MACROD1: variants seen among roughly 807,000 people sequenced by gnomAD.
MACROD1 encodes the protein ADP-ribose glycohydrolase MACROD1.
MACROD1 carries 31 observed loss-of-function variants against 41.4 expected under a neutral mutation model. The observed-to-expected ratio is 0.75, with a 90% CI of 0.56 to 1.01. MACROD1 has a LOEUF of 1.01. Among genes scored for constraint, MACROD1 ranks in the 50% least tolerant of loss-of-function variants. MACROD1 has a pLI of 0.00. For missense variants in MACROD1, 473 were observed against 460.0 expected (o/e 1.03, Z -0.26); for synonymous variants, 252 against 203.4 (o/e 1.24, Z -2.03).
intron 3 of MACROD1, among the ~76,000 whole-genome samples, chr11:64,104,616 C>T (rs1236908246): frequency 1.3e-5 from 2 of 152,040 alleles, no homozygotes; most frequent in Non-Finnish European, 2.9e-5. Context: ...TGCCCTTGAA[C>T]GAGAGGGAGT....
Position 64,047,041 on chromosome 11 carries a change from G to GC in MACROD1, c.518-31761dup, listed in dbSNP as rs754548217. Among the ~76,000 whole-genome samples the GC allele has an allele frequency of 2.1e-3, 318 of 151,666 alleles. 6 individuals carry two copies. In the East Asian group the frequency reaches 0.033, roughly 16 times the overall value. ...GCTGATGCACCAGCCTCGCCCCAGTGCCCCCCCCGGCTAGCATGCTCACAC... is the reference window on the plus strand; with the variant it reads ...GCTGATGCACCAGCCTCGCCCCAGTGCCCCCCCCCGGCTAGCATGCTCACAC... On this transcript the variant is annotated intron_variant, in intron 3 of 10. Coordinates refer to ENST00000255681, the MANE Select transcript of MACROD1 (RefSeq NM_014067.4).
chr11:64,119,911 G>C (rs114345759), intron 3 of MACROD1, among the ~76,000 whole-genome samples: 1 of 151,884 alleles, frequency 6.6e-6, no homozygotes, highest in Non-Finnish European at 1.5e-5. Context: ...ACGTGCCTGC[G>C]TCCCAGTACT....
intron 7 of MACROD1, 54 bp downstream of exon 7, chr11:63,999,476 C>A: frequency 6.4e-7 from 1 of 1,572,632 alleles, no homozygotes; most frequent in Non-Finnish European, 8.6e-7. Flanking sequence ...CCGGCCCCTC[C>A]CGGCGTCTGG....
intron 4 of MACROD1, among the ~76,000 whole-genome samples, chr11:64,003,407 T>C (rs487540): frequency 0.49 from 74,606 of 151,984 alleles, 19,893 homozygotes; most frequent in African/African-American, 0.7. Flanking sequence ...TTAGTAGAGA[T>C]GGGGTTTCAC....
At chr11:64,148,748 G>T (rs1003703478) in intron 3 of MACROD1, 13 of 985,638 alleles carry the variant, frequency 1.3e-5, no homozygotes, top group Non-Finnish European at 1.6e-5. Context: ...AAGCCCTGCC[G>T]TTGCCAACGA....
intron 3 of MACROD1, chr11:64,116,455 G>A (rs987374494): frequency 6.2e-7 from 1 of 1,613,996 alleles, no homozygotes; most frequent in African/African-American, 1.3e-5. Flanking sequence ...TGCGACAACG[G>A]CTTCATCTAC....
At chr11:64,032,404 T>C (rs557870484) in intron 3 of MACROD1, among the ~76,000 whole-genome samples, 2 of 152,008 alleles carry the variant, frequency 1.3e-5, no homozygotes, top group East Asian at 1.9e-4. Context: ...CGATGGCTGG[T>C]GAGTTGCAGG....
At chr11:64,066,952 G>A (rs367825539) in intron 3 of MACROD1, among the ~76,000 whole-genome samples, 3 of 152,278 alleles carry the variant, frequency 2.0e-5, no homozygotes, top group East Asian at 3.9e-4. Context: ...GCCCCAGTGC[G>A]CTACGGAGGG....
At chr11:64,129,878 A>G (rs1306056096) in intron 3 of MACROD1, among the ~76,000 whole-genome samples, 2 of 152,114 alleles carry the variant, frequency 1.3e-5, no homozygotes. Flanking sequence ...CAGGACCTGC[A>G]TTTCAGGAAT....
intron 3 of MACROD1, among the ~76,000 whole-genome samples, chr11:64,074,316 A>G (rs982125641): frequency 2.0e-5 from 3 of 152,092 alleles, no homozygotes; most frequent in Non-Finnish European, 2.9e-5. Flanking sequence ...CCGAGCTCCT[A>G]TGCATTCTGC....
chr11:64,055,270 G>A (rs754582404), intron 3 of MACROD1, among the ~76,000 whole-genome samples: 1 of 152,250 alleles, frequency 6.6e-6, no homozygotes, highest in African/African-American at 2.4e-5. Flanking sequence ...CCTTGAGCGG[G>A]ACACCATGCA....
chr11:64,046,823 G>A lies in MACROD1; in HGVS notation c.518-31542C>T, dbSNP rs148318566. ...CTGGCCCGTTCTTTAAGCTGTGGAG[G>A]AATTCATGGTGTGATGTGAAGTCTT... On this transcript the variant is annotated intron_variant, in intron 3 of 10. Coordinates refer to ENST00000255681, the MANE Select transcript of MACROD1 (RefSeq NM_014067.4). Among the ~76,000 whole-genome samples the A allele has an allele frequency of 3.8e-3, 582 of 152,226 alleles. 2 individuals are homozygous for A. Among genetic ancestry groups the A allele is most frequent in the African/African-American group, 0.012 (493 of 41,546 alleles).
At chr11:64,078,228 G>A (rs1590876057) in intron 3 of MACROD1, among the ~76,000 whole-genome samples, 1 of 152,174 alleles carries the variant, frequency 6.6e-6, no homozygotes, top group African/African-American at 2.4e-5. Context: ...AGTAGGACGT[G>A]CCCTCCAGAA....
rs1265522244 is a variant in MACROD1 at position 64,146,695 on chromosome 11, A to G, written c.517+4544T>C. On this transcript the variant is annotated intron_variant, in intron 3 of 10. Coordinates refer to ENST00000255681, the MANE Select transcript of MACROD1 (RefSeq NM_014067.4). This position sits in a 1 kb window ranked among gnomAD's most constrained non-coding sequence, Gnocchi z 4.7. ...CACATCCCATACAAACACACATCACACCACACACACCCTCCATCACCCACA... is the reference window on the plus strand; with the variant it reads ...CACATCCCATACAAACACACATCACGCCACACACACCCTCCATCACCCACA... Among the ~76,000 whole-genome samples the G allele has an allele frequency of 2.6e-5, 4 of 151,742 alleles. No homozygotes were observed. The highest frequency in any genetic ancestry group is 1.3e-4 in the Admixed American group (2 of 15,234).
At chr11:64,114,543 T>G (rs1590928707) in intron 3 of MACROD1, among the ~76,000 whole-genome samples, 3 of 85,824 alleles carry the variant, frequency 3.5e-5, no homozygotes, top group Non-Finnish European at 5.9e-5. Flanking sequence ...ATGTATGGAT[T>G]GATGCATGGA....
At chr11:64,150,310 T>A (rs1945556021) in intron 3 of MACROD1, among the ~76,000 whole-genome samples, 1 of 152,192 alleles carries the variant, frequency 6.6e-6, no homozygotes, top group African/African-American at 2.4e-5. Flanking sequence ...GCACGACCGC[T>A]ACAAGCGCAA....
intron 1 of MACROD1, among the ~76,000 whole-genome samples, chr11:64,162,374 G>A (rs1429404240): frequency 1.3e-5 from 2 of 151,926 alleles, no homozygotes; most frequent in Admixed American, 6.6e-5. Flanking sequence ...ATGGTGATGC[G>A]CGCCTGTACT....
chr11:64,130,718 C>T (rs1283171651), intron 3 of MACROD1, among the ~76,000 whole-genome samples: 1 of 152,202 alleles, frequency 6.6e-6, no homozygotes, highest in Non-Finnish European at 1.5e-5. Flanking sequence ...CCCGCCGCCG[C>T]ACCCACGTCA....
intron 3 of MACROD1, among the ~76,000 whole-genome samples, chr11:64,058,480 G>A (rs924390686): frequency 6.6e-6 from 1 of 152,278 alleles, no homozygotes; most frequent in African/African-American, 2.4e-5. Context: ...CGAAGAGCAG[G>A]TCAGGCCTTT....
Sources: gnomAD v4.1 joint callset for allele counts (sites outside exome capture counted in the v4.1 genomes callset) on GRCh38, gnomAD v4.1.1 for gene constraint, Gnocchi (gnomAD v3.1) non-coding constraint, MANE v1.5 for transcripts, NCBI Gene and HGNC (gene_info 2026-07-23, HGNC 2026-07-21) for gene names.